PDE11A: variants seen among roughly 807,000 people sequenced by gnomAD.
The protein encoded by PDE11A is dual 3',5'-cyclic-AMP and -GMP phosphodiesterase 11A.
A neutral mutation model predicts 100.5 loss-of-function variants in PDE11A; 100 were observed. The observed-to-expected ratio is 1.00, with a 90% CI of 0.85 to 1.18. PDE11A has a LOEUF of 1.18. PDE11A is among the 50% of genes most tolerant of loss of function. PDE11A has a pLI of 0.00. For synonymous variants in PDE11A, 381 were observed against 420.8 expected, an observed-to-expected ratio of 0.91 and a Z score of 1.16; for missense variants, 1,141 against 1,152.6, an observed-to-expected ratio of 0.99 and a Z score of 0.15.
chr2:177,851,153 T>C lies in PDE11A; in HGVS notation c.1368-10770A>G, dbSNP rs577017164. Among the ~76,000 whole-genome samples, 262 of 152,136 alleles carry C rather than the reference T, an allele frequency of 1.7e-3. 5 individuals are homozygous for C. Among genetic ancestry groups the C allele is most frequent in the Non-Finnish European group, 4.0e-4 (27 of 68,000 alleles). On this transcript the variant is annotated intron_variant, in intron 5 of 19. Coordinates refer to ENST00000286063, the MANE Select transcript of PDE11A (RefSeq NM_016953.4). ...AACCAACCCAAATGTCCAACAACGA[T>C]AGACTGGATTAAGAAAATGTGGCAC...
At chr2:177,881,871 T>C (rs1019557130) in intron 4 of PDE11A, among the ~76,000 whole-genome samples, 7 of 152,250 alleles carry the variant, frequency 4.6e-5, no homozygotes, top group African/African-American at 1.7e-4. Context: ...GTTTGCCAAC[T>C]TCTCTGGTGT....
chr2:177,924,059 ATTAT>A (rs1018139445), intron 2 of PDE11A, among the ~76,000 whole-genome samples: 4 of 152,236 alleles, frequency 2.6e-5, no homozygotes, highest in Non-Finnish European at 5.9e-5. Context: ...AGTGTAATTT[ATTAT>A]TTAATGAGTA....
At chr2:178,031,966 T>C (rs2086553768) in intron 1 of PDE11A, among the ~76,000 whole-genome samples, 1 of 152,094 alleles carries the variant, frequency 6.6e-6, no homozygotes, top group Non-Finnish European at 1.5e-5. Flanking sequence ...AGTGTGATAG[T>C]AATACAGGCA....
At chr2:177,673,975 G>A (rs1047017250) in intron 17 of PDE11A, among the ~76,000 whole-genome samples, 1 of 152,190 alleles carries the variant, frequency 6.6e-6, no homozygotes, top group African/African-American at 2.4e-5. Context: ...GCCAACCCTA[G>A]GTGCCCATGT....
At chr2:177,991,314 G>C (rs1478655887) in intron 2 of PDE11A, among the ~76,000 whole-genome samples, 1 of 149,352 alleles carries the variant, frequency 6.7e-6, no homozygotes, top group Non-Finnish European at 1.5e-5. Context: ...CTGGGCGACA[G>C]AGTAAGACTC....
chr2:178,003,872 A>G (rs1306132175), intron 2 of PDE11A, among the ~76,000 whole-genome samples: 1 of 149,176 alleles, frequency 6.7e-6, no homozygotes, highest in African/African-American at 2.6e-5. Flanking sequence ...CCTAACAGCT[A>G]TTCTAAGACA....
At chr2:177,647,192 T>C (rs1472283719) in intron 19 of PDE11A, among the ~76,000 whole-genome samples, 1 of 152,212 alleles carries the variant, frequency 6.6e-6, no homozygotes, top group African/African-American at 2.4e-5. Flanking sequence ...TAGAAATATA[T>C]AAAACTATTA....
chr2:178,073,909 GT>G (rs796149790), upstream of PDE11A, among the ~76,000 whole-genome samples: 289 of 142,762 alleles, frequency 2.0e-3, no homozygotes, highest in East Asian at 5.1e-3. Flanking sequence ...ATGTGTCAGG[GT>G]TTTTTTTTTT....
chr2:177,997,368 G>A (rs552344348), intron 2 of PDE11A: 54 of 837,952 alleles, frequency 6.4e-5, no homozygotes, highest in African/African-American at 3.7e-4. Flanking sequence ...GATTTCTGGG[G>A]TGGTGAACCT....
At chr2:177,979,077 T>TAAA (rs72020976) in intron 2 of PDE11A, among the ~76,000 whole-genome samples, 1 of 113,028 alleles carries the variant, frequency 8.8e-6, no homozygotes, top group Non-Finnish European at 1.9e-5. Context: ...TAGAGTATAA[T>TAAA]AAAAAAAAAA....
chr2:177,960,683 A>G (rs550553161), intron 2 of PDE11A, among the ~76,000 whole-genome samples: 2 of 152,348 alleles, frequency 1.3e-5, no homozygotes, highest in Admixed American at 6.5e-5. Flanking sequence ...AATGAAGCAC[A>G]TGAAAACAAA....
intron 12 of PDE11A, among the ~76,000 whole-genome samples, chr2:177,713,703 G>A (rs961969255): frequency 3.3e-5 from 5 of 151,450 alleles, no homozygotes; most frequent in Non-Finnish European, 5.9e-5. Context: ...CAGTCTGAGC[G>A]ACAGAGCAAG....
chr2:177,699,543 C>G (rs1054361102), intron 14 of PDE11A, among the ~76,000 whole-genome samples: 2 of 152,112 alleles, frequency 1.3e-5, no homozygotes, highest in Admixed American at 6.6e-5. Flanking sequence ...TGTGCCTTAA[C>G]GTTTTGGTCC....
chr2:177,660,519 A>T (rs1485458229), intron 19 of PDE11A, among the ~76,000 whole-genome samples: 3 of 152,192 alleles, frequency 2.0e-5, no homozygotes, highest in Non-Finnish European at 4.4e-5. Context: ...GTCAATCTCA[A>T]GATTACTTAG....
At chr2:177,673,215 A>G (rs965253827) in intron 17 of PDE11A, among the ~76,000 whole-genome samples, 2 of 152,264 alleles carry the variant, frequency 1.3e-5, no homozygotes, top group Admixed American at 1.3e-4. Flanking sequence ...TTTTGGTGCC[A>G]AAGAAACGCT....
intron 10 of PDE11A, among the ~76,000 whole-genome samples, chr2:177,742,888 G>A (rs1467632679): frequency 2.6e-5 from 4 of 152,176 alleles, no homozygotes; most frequent in Non-Finnish European, 5.9e-5. Context: ...CCTGAAAAGG[G>A]AGGCCCCAGC....
In PDE11A at chr2:178,001,311, T is replaced by TGTGTGTGTGTGTGTGG. The variant is rs59287027; in HGVS notation, c.1071+12990_1071+12991insCCACACACACACACAC. 3.8e-3 allele frequency among the ~76,000 whole-genome samples: 564 copies of TGTGTGTGTGTGTGTGG among 148,120 alleles called. 5 individuals carry two copies. The highest frequency in any genetic ancestry group is 0.035 in the South Asian group (160 of 4,636). The stretch of plus-strand genomic sequence containing the variant: ...GTGTGTGTGTGTGTGTGTGTGTGTG[T>TGTGTGTGTGTGTGTGG]AGTAGGTTTAATATGCCATCAAGGA... On this transcript the variant is annotated intron_variant, in intron 2 of 19. Coordinates refer to ENST00000286063, the MANE Select transcript of PDE11A (RefSeq NM_016953.4).
chr2:178,014,661 T>A (rs34261053), intron 1 of PDE11A, among the ~76,000 whole-genome samples: 15,242 of 152,184 alleles, frequency 0.1, 1,050 homozygotes, highest in Non-Finnish European at 0.15. Flanking sequence ...TTGTTTGCCA[T>A]AGTAAATGAA....
intron 15 of PDE11A, among the ~76,000 whole-genome samples, chr2:177,693,236 T>C (rs1299083907): frequency 6.6e-6 from 1 of 152,136 alleles, no homozygotes; most frequent in Non-Finnish European, 1.5e-5. Flanking sequence ...ACTTCACACA[T>C]GACTTCATGT....
Sources: allele counts gnomAD v4.1 joint callset (sites outside exome capture counted in the v4.1 genomes callset), GRCh38; gene constraint gnomAD v4.1.1; transcripts MANE v1.5; gene names NCBI Gene and HGNC (gene_info 2026-07-23, HGNC 2026-07-21).